Variants in DPYD observed in about 807,000 individuals in gnomAD.
DPYD encodes dihydropyrimidine dehydrogenase.
In DPYD, 109 loss-of-function variants were observed where a neutral mutation model predicts 116.2. That is an observed-to-expected ratio of 0.94 (90% CI 0.80 to 1.10). DPYD has a LOEUF of 1.10. DPYD is among the 50% of genes least tolerant of loss of function. DPYD has a pLI of 0.00. For synonymous variants in DPYD, 440 were observed against 432.0 expected (o/e 1.02, Z -0.23); for missense variants, 1,302 against 1,254.5 (o/e 1.04, Z -0.57).
intron 5 of DPYD, among the ~76,000 whole-genome samples, chr1:97,707,125 T>C (rs1662008695): frequency 1.3e-5 from 2 of 151,982 alleles, no homozygotes; most frequent in African/African-American, 4.8e-5. Context: ...GTGGGGTTTT[T>C]AAAAAGTCAT....
chr1:97,548,168 C>T (rs566713538), intron 12 of DPYD, among the ~76,000 whole-genome samples: 2 of 152,266 alleles, frequency 1.3e-5, no homozygotes, highest in African/African-American at 4.8e-5. Flanking sequence ...TGTGAGCACT[C>T]TTCCTTGAAT....
At chr1:97,903,127 T>C (rs1673444005) in intron 1 of DPYD, among the ~76,000 whole-genome samples, 1 of 151,904 alleles carries the variant, frequency 6.6e-6, no homozygotes, top group Non-Finnish European at 1.5e-5. Flanking sequence ...GTGAGCAACA[T>C]TCATACTATT....
At chr1:97,440,555 A>C (rs1047523261) in intron 14 of DPYD, among the ~76,000 whole-genome samples, 1 of 152,100 alleles carries the variant, frequency 6.6e-6, no homozygotes, top group Admixed American at 6.6e-5. Flanking sequence ...CTCTTAGAGC[A>C]TCTTTGAATT....
At chr1:97,313,630 C>A (rs771857550) in intron 16 of DPYD, among the ~76,000 whole-genome samples, 4 of 151,608 alleles carry the variant, frequency 2.6e-5, no homozygotes, top group Non-Finnish European at 5.9e-5. Context: ...CAAGTTTTTT[C>A]TTATTTTTCT....
intron 20 of DPYD, among the ~76,000 whole-genome samples, chr1:97,114,943 G>A (rs989984701): frequency 6.6e-6 from 1 of 152,136 alleles, no homozygotes; most frequent in African/African-American, 2.4e-5. Context: ...TGAACTGTGA[G>A]ACTTATCCTT....
chr1:97,126,137 C>T lies in DPYD; in HGVS notation c.2623-27505G>A, dbSNP rs56412088. Among the ~76,000 whole-genome samples the T allele has an allele frequency of 7.9e-5, 12 of 151,950 alleles. No homozygotes were observed. In the South Asian group the frequency reaches 2.1e-3, roughly 26 times the overall value. ...TTAAAAACAAGTGAGATTTGCTGTGCGTGTGAGGCTCTTTCCAGAACTGCT... is the reference window on the plus strand; with the variant it reads ...TTAAAAACAAGTGAGATTTGCTGTGTGTGTGAGGCTCTTTCCAGAACTGCT... On this transcript the variant is annotated intron_variant, in intron 20 of 22. Transcript: ENST00000370192.
At chr1:97,797,571 T>C (rs915457018) in intron 3 of DPYD, 10 of 152,118 alleles carry the variant, frequency 6.6e-5, no homozygotes, top group Non-Finnish European at 1.0e-4. Context: ...TCATGCATCC[T>C]GAGCTGCCAA....
intron 8 of DPYD, among the ~76,000 whole-genome samples, chr1:97,647,858 TA>T (rs1400080968): frequency 6.6e-6 from 1 of 152,032 alleles, no homozygotes; most frequent in Non-Finnish European, 1.5e-5. Context: ...AAAAAGTTAC[TA>T]ACTGCAGAGT....
At chr1:97,098,725 T>C in intron 20 of DPYD, 93 bp from the exon 21 acceptor site, 1 of 1,431,370 alleles carries the variant, frequency 7.0e-7, no homozygotes, top group South Asian at 1.2e-5. Context: ...AACAAACAAA[T>C]GTGTGTCTAG....
intron 14 of DPYD, among the ~76,000 whole-genome samples, chr1:97,432,549 G>T (rs183475969): frequency 1.3e-5 from 2 of 149,714 alleles, no homozygotes; most frequent in Non-Finnish European, 3.0e-5. Flanking sequence ...GTTATTTTAC[G>T]TCTCTATCTG....
At chr1:97,660,514 T>C (rs1659192353) in intron 8 of DPYD, among the ~76,000 whole-genome samples, 3 of 152,128 alleles carry the variant, frequency 2.0e-5, no homozygotes, top group Non-Finnish European at 1.5e-5. Flanking sequence ...TAATTAACAA[T>C]GTAATGTCCC....
chr1:97,445,112 T>A (rs1056008783), intron 14 of DPYD, among the ~76,000 whole-genome samples: 3 of 152,132 alleles, frequency 2.0e-5, no homozygotes, highest in Non-Finnish European at 4.4e-5. Flanking sequence ...ATAAGCAATA[T>A]AAAAACAATT....
At chr1:97,471,490 T>G (rs1337135501) in intron 13 of DPYD, among the ~76,000 whole-genome samples, 1 of 151,844 alleles carries the variant, frequency 6.6e-6, no homozygotes, top group Non-Finnish European at 1.5e-5. Flanking sequence ...GTTTATCAGC[T>G]GAAAACATTA....
At chr1:97,692,402 T>C (rs1661056147) in intron 6 of DPYD, among the ~76,000 whole-genome samples, 1 of 152,120 alleles carries the variant, frequency 6.6e-6, no homozygotes, top group South Asian at 2.1e-4. Flanking sequence ...TTCTATTGTA[T>C]ATTAATGCCT....
At chr1:97,554,053 A>T (rs1247640090) in intron 11 of DPYD, among the ~76,000 whole-genome samples, 3 of 152,128 alleles carry the variant, frequency 2.0e-5, no homozygotes, top group Non-Finnish European at 2.9e-5. Context: ...TGAAATTGGA[A>T]CTTTTAGTCA....
intron 8 of DPYD, among the ~76,000 whole-genome samples, chr1:97,659,702 A>G (rs1571145044): frequency 6.6e-6 from 1 of 152,152 alleles, no homozygotes. Flanking sequence ...AATGCTGTGA[A>G]GTTTACCTGA....
chr1:97,119,527 T>C (rs866692426), intron 20 of DPYD, among the ~76,000 whole-genome samples: 1 of 152,098 alleles, frequency 6.6e-6, no homozygotes, highest in South Asian at 2.1e-4. Context: ...GGCCCTATCA[T>C]AGAAAATATG....
intron 2 of DPYD, among the ~76,000 whole-genome samples, chr1:97,862,381 T>C (rs972968970): frequency 6.6e-6 from 1 of 151,714 alleles, no homozygotes; most frequent in African/African-American, 2.4e-5. Flanking sequence ...AGACACAAGC[T>C]GAGAAATCCA....
At chr1:97,585,108 T>A (rs1006085627) in intron 10 of DPYD, among the ~76,000 whole-genome samples, 31 of 152,160 alleles carry the variant, frequency 2.0e-4, no homozygotes, top group Non-Finnish European at 3.7e-4. Context: ...GCTTTTAATA[T>A]ATTGGCTAAT....
Sources: gnomAD v4.1 joint callset for allele counts (sites outside exome capture counted in the v4.1 genomes callset) on GRCh38, gnomAD v4.1.1 for gene constraint, MANE v1.5 for transcripts, NCBI Gene and HGNC (gene_info 2026-07-23, HGNC 2026-07-21) for gene names.